NRG3: variants seen among roughly 807,000 people sequenced by gnomAD.
NRG3 encodes the protein neuregulin 3, also known as pro-neuregulin-3, membrane-bound isoform.
Under a neutral mutation model 66.9 loss-of-function variants are expected in NRG3, and 31 were observed. The observed-to-expected ratio is 0.46, with a 90% CI of 0.35 to 0.63. NRG3 has a LOEUF of 0.63. Ranked by LOEUF, NRG3 falls within the 20% of genes least tolerant of loss-of-function variation. The pLI, the probability that NRG3 is intolerant of heterozygous loss-of-function variation, is 0.00. For synonymous variants in NRG3, 393 were observed against 359.4 expected (o/e 1.09, Z -1.06); for missense variants, 910 against 878.9 (o/e 1.04, Z -0.45).
chr10:82,138,715 G>C (rs2069546259), intron 1 of NRG3, among the ~76,000 whole-genome samples: 1 of 152,154 alleles, frequency 6.6e-6, no homozygotes, highest in Non-Finnish European at 1.5e-5. Flanking sequence ...GCAGTCTTCA[G>C]TCTGTGGCCC....
At chr10:82,290,656 A>G (rs1364287745) in intron 1 of NRG3, among the ~76,000 whole-genome samples, 2 of 148,812 alleles carry the variant, frequency 1.3e-5, no homozygotes, top group African/African-American at 5.0e-5. Context: ...TTTTTTTGAG[A>G]TGGAGTCTCT....
intron 1 of NRG3, among the ~76,000 whole-genome samples, chr10:82,246,790 G>T (rs1044739491): frequency 6.6e-6 from 1 of 152,082 alleles, no homozygotes; most frequent in Admixed American, 6.5e-5. Context: ...AGAGTAAGGC[G>T]TTCAGAGTCA....
chr10:82,919,096 T>C (rs1239011618), intron 4 of NRG3, among the ~76,000 whole-genome samples: 2 of 127,120 alleles, frequency 1.6e-5, no homozygotes, highest in Admixed American at 8.7e-5. Context: ...TGTGTGTGTG[T>C]GTGTATGTGT....
chr10:82,524,290 A>G (rs1435302414), intron 2 of NRG3, among the ~76,000 whole-genome samples: 1 of 152,068 alleles, frequency 6.6e-6, no homozygotes, highest in African/African-American at 2.4e-5. Context: ...TACTTATATT[A>G]CAGGAAAACA....
At chr10:82,715,284 A>G (rs1338638473) in intron 2 of NRG3, among the ~76,000 whole-genome samples, 1 of 152,086 alleles carries the variant, frequency 6.6e-6, no homozygotes, top group Non-Finnish European at 1.5e-5. Context: ...TGTAGTCCCA[A>G]CCGCTTTGGA....
chr10:82,202,456 A>G (rs553810276), intron 1 of NRG3, among the ~76,000 whole-genome samples: 49 of 152,332 alleles, frequency 3.2e-4, no homozygotes, highest in Admixed American at 1.6e-3. Flanking sequence ...AGCGTGCGTA[A>G]GAGTCGTTGC....
At chr10:82,012,633 T>G (rs1209098877) in intron 1 of NRG3, among the ~76,000 whole-genome samples, 3 of 152,194 alleles carry the variant, frequency 2.0e-5, no homozygotes, top group Non-Finnish European at 4.4e-5. Flanking sequence ...TAAAACTGAA[T>G]GCATTTGACA....
At chr10:82,424,609 T>C (rs2089298134) in intron 2 of NRG3, among the ~76,000 whole-genome samples, 1 of 152,080 alleles carries the variant, frequency 6.6e-6, no homozygotes, top group Non-Finnish European at 1.5e-5. Flanking sequence ...TTTATAAAAT[T>C]GTATCCTTTA....
chr10:81,999,449 C>G (rs1177730059), intron 1 of NRG3, among the ~76,000 whole-genome samples: 1 of 152,154 alleles, frequency 6.6e-6, no homozygotes, highest in Non-Finnish European at 1.5e-5. Context: ...ATTAATACAA[C>G]ATGGCTATGA....
At chr10:82,556,689 T>C (rs868414511) in intron 2 of NRG3, among the ~76,000 whole-genome samples, 9 of 152,178 alleles carry the variant, frequency 5.9e-5, no homozygotes, top group Non-Finnish European at 1.2e-4. Context: ...GTGTGTTACA[T>C]AGGTAATCTC....
intron 2 of NRG3, among the ~76,000 whole-genome samples, chr10:82,502,874 A>G (rs143924690): frequency 6.6e-6 from 1 of 152,186 alleles, no homozygotes; most frequent in Admixed American, 6.5e-5. Context: ...AGACAATTCT[A>G]GGTCTTAGTA....
chr10:82,727,939 G>T (rs754998954), intron 2 of NRG3, among the ~76,000 whole-genome samples: 6 of 152,136 alleles, frequency 3.9e-5, no homozygotes, highest in South Asian at 2.1e-4. Context: ...GATCATTTTG[G>T]AGCTTTAAGA....
At chr10:82,117,723 C>T (rs1452289962) in intron 1 of NRG3, among the ~76,000 whole-genome samples, 1 of 152,138 alleles carries the variant, frequency 6.6e-6, no homozygotes, top group Non-Finnish European at 1.5e-5. Context: ...CAACCTACAG[C>T]TAACAGGAAC....
intron 1 of NRG3, among the ~76,000 whole-genome samples, chr10:82,017,452 C>T (rs36186264): frequency 0.14 from 21,318 of 152,000 alleles, 1,890 homozygotes; most frequent in East Asian, 0.28. Flanking sequence ...GGGTATATAC[C>T]CAGTAATGGG....
chr10:82,213,941 C>A (rs1250379430), intron 1 of NRG3, among the ~76,000 whole-genome samples: 1 of 152,134 alleles, frequency 6.6e-6, no homozygotes, highest in African/African-American at 2.4e-5. Context: ...TGTCTGTCTT[C>A]CACTGAGCCA....
chr10:82,821,236 C>A (rs916082296), intron 3 of NRG3, among the ~76,000 whole-genome samples: 8 of 152,130 alleles, frequency 5.3e-5, no homozygotes, highest in Non-Finnish European at 1.2e-4. Flanking sequence ...ACAGAGTCAC[C>A]TCCCCACTTC....
chr10:82,796,364 C>T (rs949780135), intron 3 of NRG3, among the ~76,000 whole-genome samples: 3 of 151,802 alleles, frequency 2.0e-5, no homozygotes, highest in African/African-American at 7.3e-5. Context: ...GTCAAGTCCA[C>T]CATAGAGCAG....
chr10:82,345,217 A>G (rs2135432355), intron 1 of NRG3, among the ~76,000 whole-genome samples: 1 of 141,704 alleles, frequency 7.1e-6, no homozygotes, highest in South Asian at 2.1e-4. Flanking sequence ...TAAGTCTTTA[A>G]TCCATCTTGA....
chr10:82,010,530 C>T (rs1160881316), intron 1 of NRG3, among the ~76,000 whole-genome samples: 1 of 152,174 alleles, frequency 6.6e-6, no homozygotes, highest in Non-Finnish European at 1.5e-5. Context: ...AAACAGTCTG[C>T]TACTCCATCC....
Sources: gnomAD v4.1 joint callset for allele counts (sites outside exome capture counted in the v4.1 genomes callset) on GRCh38, gnomAD v4.1.1 for gene constraint, MANE v1.5 for transcripts, NCBI Gene and HGNC (gene_info 2026-07-23, HGNC 2026-07-21) for gene names.